Variants in PRH1 observed in about 807,000 individuals in gnomAD.
PRH1 encodes proline rich protein HaeIII subfamily 1.
Under a neutral mutation model 7.9 loss-of-function variants are expected in PRH1, and 7 were observed. That is an observed-to-expected ratio of 0.89 (90% CI 0.50 to 1.67). The LOEUF (loss-of-function observed/expected upper bound fraction) is 1.67, where lower values mean the gene tolerates loss of function less well. PRH1 is among the 40% of genes most tolerant of loss of function. The pLI, the probability that PRH1 is intolerant of heterozygous loss-of-function variation, is 0.00. For synonymous variants in PRH1, 45 were observed against 80.8 expected (o/e 0.56, Z 2.38); for missense variants, 109 against 223.6 (o/e 0.49, Z 3.27).
intron 1 of PRH1, among the ~76,000 whole-genome samples, chr12:11,038,067 T>A (rs1358138007): frequency 6.6e-6 from 1 of 152,224 alleles, no homozygotes; most frequent in Non-Finnish European, 1.5e-5. Context: ...AAGTTTTAAA[T>A]TTTAATTTGG....
chr12:10,994,793 CTA>C (rs1276659473), intron 1 of PRH1, among the ~76,000 whole-genome samples: 1 of 143,346 alleles, frequency 7.0e-6, no homozygotes, highest in African/African-American at 2.5e-5. Context: ...TAGTTGGTAA[CTA>C]AATTTTTTAA....
intron 1 of PRH1, among the ~76,000 whole-genome samples, chr12:11,164,013 A>ATT (rs1947494641): frequency 6.6e-6 from 1 of 152,172 alleles, no homozygotes; most frequent in African/African-American, 2.4e-5. Context: ...ATAGCTACAA[A>ATT]TATACTCCTA....
chr12:10,996,764 G>T (rs765449138), intron 1 of PRH1: 12 of 395,694 alleles, frequency 3.0e-5, no homozygotes, highest in Non-Finnish European at 4.4e-5. Context: ...ACACACACAC[G>T]CAAATGTATA....
chr12:10,965,105 G>A, intron 2 of PRH1: 4 of 1,337,364 alleles, frequency 3.0e-6, no homozygotes, highest in Non-Finnish European at 4.1e-6. Context: ...ATTAATAGTA[G>A]TAATTCTTAC....
intron 1 of PRH1, among the ~76,000 whole-genome samples, chr12:11,010,147 A>G (rs1941002067): frequency 6.6e-6 from 1 of 152,130 alleles, no homozygotes; most frequent in Middle Eastern, 3.4e-3. Context: ...ACTAAACTTC[A>G]CTTAATTTCT....
At position 10,968,894 on chromosome 12, in the gene PRH1, T is replaced by A. The variant is rs150410252; in HGVS notation, c.-59+4761A>T. Among the ~76,000 whole-genome samples the A allele has an allele frequency of 7.2e-5, 11 of 152,328 alleles. No individual in the cohort carries two copies. In the East Asian group the frequency reaches 1.9e-3, roughly 27 times the overall value. ...CTTTTAGCTCTGCTATCTGCAGACG[T>A]CTTAAGTGTTAGTAGCTCAGTGGGC... On this transcript the variant is annotated intron_variant, in intron 2 of 3. Transcript: ENST00000539853.
chr12:10,952,102 T>C (rs1473731221), intron 2 of PRH1, among the ~76,000 whole-genome samples: 8 of 152,216 alleles, frequency 5.3e-5, no homozygotes, highest in African/African-American at 1.9e-4. Context: ...CTGATTTCAA[T>C]ATCACCTGTC....
At chr12:11,122,332 GC>G (rs1045343430) in intron 1 of PRH1, among the ~76,000 whole-genome samples, 47 of 152,274 alleles carry the variant, frequency 3.1e-4, no homozygotes, top group African/African-American at 1.1e-3. Flanking sequence ...GCAGTACGTG[GC>G]CCATCTCCAA....
chr12:11,142,946 A>C (rs1946747311), intron 1 of PRH1, among the ~76,000 whole-genome samples: 1 of 152,204 alleles, frequency 6.6e-6, no homozygotes, highest in Non-Finnish European at 1.5e-5. Context: ...AGAAATGTTA[A>C]AGGGATTACT....
upstream of PRH1, among the ~76,000 whole-genome samples, chr12:10,887,715 CA>C (rs1224037511): frequency 8.3e-5 from 12 of 144,538 alleles, no homozygotes; most frequent in South Asian, 2.2e-4. Context: ...ACTAAAAATA[CA>C]AAAAAAAAAT....
chr12:11,012,267 T>C (rs1166304071), intron 1 of PRH1, among the ~76,000 whole-genome samples: 1 of 152,168 alleles, frequency 6.6e-6, no homozygotes, highest in Non-Finnish European at 1.5e-5. Context: ...GTTGTTATAG[T>C]ATAATTGTTT....
At chr12:10,889,011 A>G (rs979871763), upstream of PRH1, among the ~76,000 whole-genome samples, 3 of 152,202 alleles carry the variant, frequency 2.0e-5, no homozygotes, top group Admixed American at 6.5e-5. Context: ...TCCATCTTCA[A>G]TGCTAGCAAT....
intron 1 of PRH1, among the ~76,000 whole-genome samples, chr12:11,130,365 G>A (rs1428226431): frequency 6.6e-6 from 1 of 152,192 alleles, no homozygotes; most frequent in African/African-American, 2.4e-5. Context: ...TACAGTAAAC[G>A]GCATTTTGCT....
At position 11,077,508 on chromosome 12, in the gene PRH1, T is replaced by C. The variant is rs1944331661; in HGVS notation, n.124-30320A>G. The C allele has an allele frequency of 2.8e-6, 3 of 1,074,794 alleles. No homozygotes were observed. The South Asian group carries it at 4.1e-5, about 15-fold the overall frequency. 66.6% of individuals were successfully genotyped at this position (1,074,794 alleles called of 1,614,324 possible). On this transcript the variant is annotated intron_variant and non_coding_transcript_variant, in intron 1 of 4. Transcript: ENST00000541977. ...TTCAAAGATTCCAGGTTAATGTGAT[T>C]AGATACAGAAAGTAAATGGCATATA...
At chr12:11,137,992 T>A (rs1946603458) in intron 1 of PRH1, among the ~76,000 whole-genome samples, 1 of 152,014 alleles carries the variant, frequency 6.6e-6, no homozygotes, top group South Asian at 2.1e-4. Flanking sequence ...TATTCCAGCA[T>A]CAGGCCTAGG....
chr12:11,104,001 G>A (rs192448170), intron 1 of PRH1, among the ~76,000 whole-genome samples: 9 of 151,928 alleles, frequency 5.9e-5, no homozygotes, highest in Admixed American at 5.9e-4. Flanking sequence ...AGATGGGCTT[G>A]TGCAACCTAA....
At chr12:10,973,412 C>A (rs933570894) in intron 2 of PRH1, 22 of 351,302 alleles carry the variant, frequency 6.3e-5, no homozygotes, top group Non-Finnish European at 9.6e-5. Flanking sequence ...ATGGCCAGGA[C>A]AGAAACCCAG....
chr12:11,052,713 A>G (rs541217914), intron 1 of PRH1, among the ~76,000 whole-genome samples: 2 of 152,264 alleles, frequency 1.3e-5, no homozygotes, highest in South Asian at 4.1e-4. Context: ...CTGTGTAGCT[A>G]TCTTCTAATT....
chr12:11,152,607 G>A (rs991577260), intron 1 of PRH1, among the ~76,000 whole-genome samples: 2 of 151,890 alleles, frequency 1.3e-5, no homozygotes, highest in African/African-American at 4.8e-5. Context: ...GTTCAGCTTG[G>A]GAGATGACAG....
Sources: gnomAD v4.1 joint callset for allele counts (sites outside exome capture counted in the v4.1 genomes callset) on GRCh38, gnomAD v4.1.1 for gene constraint, MANE v1.5 for transcripts, NCBI Gene and HGNC (gene_info 2026-07-23, HGNC 2026-07-21) for gene names.